Variants in FRMD3 observed in about 807,000 individuals in gnomAD.
FRMD3 encodes the protein FERM domain containing 3.
FRMD3 carries 33 observed loss-of-function variants against 70.2 expected under a neutral mutation model. That is an observed-to-expected ratio of 0.47 (90% CI 0.36 to 0.63). FRMD3 has a LOEUF of 0.63. Ranked by LOEUF, FRMD3 falls within the 20% of genes least tolerant of loss-of-function variation. The pLI is 0.00. For synonymous variants in FRMD3, 279 were observed against 255.9 expected (o/e 1.09, Z -0.86); for missense variants, 632 against 711.4 (o/e 0.89, Z 1.27).
intron 12 of FRMD3, among the ~76,000 whole-genome samples, chr9:83,297,193 G>A (rs906113380): frequency 1.3e-5 from 2 of 152,170 alleles, no homozygotes; most frequent in Non-Finnish European, 2.9e-5. Flanking sequence ...AAAGTGTCCT[G>A]CTTTGTGTTT....
At chr9:83,299,602 C>T (rs1446873146) in intron 10 of FRMD3, among the ~76,000 whole-genome samples, 1 of 152,172 alleles carries the variant, frequency 6.6e-6, no homozygotes, top group Non-Finnish European at 1.5e-5. Context: ...CTGCCTATTC[C>T]TGTATCCACA....
intron 1 of FRMD3, among the ~76,000 whole-genome samples, chr9:83,401,132 AT>A (rs1244132440): frequency 6.6e-6 from 1 of 152,178 alleles, no homozygotes; most frequent in African/African-American, 2.4e-5. Flanking sequence ...TATTCATTGG[AT>A]TTCATCCACG....
intron 6 of FRMD3, among the ~76,000 whole-genome samples, chr9:83,325,191 G>A (rs1185368814): frequency 6.6e-6 from 1 of 152,138 alleles, no homozygotes; most frequent in Non-Finnish European, 1.5e-5. Flanking sequence ...TGAGGGATGA[G>A]AAATTACTTC....
chr9:83,335,018 C>T (rs1823529526), intron 6 of FRMD3, among the ~76,000 whole-genome samples: 1 of 151,708 alleles, frequency 6.6e-6, no homozygotes, highest in Non-Finnish European at 1.5e-5. Context: ...TCTACCACTG[C>T]TACTGTGCAG....
intron 1 of FRMD3, among the ~76,000 whole-genome samples, chr9:83,484,915 T>C (rs1039413148): frequency 3.9e-5 from 6 of 152,222 alleles, no homozygotes; most frequent in Non-Finnish European, 5.9e-5. Context: ...CACAGTGTGA[T>C]AGTCAAAAAG....
chr9:83,340,174 CA>C (rs1238170326), intron 5 of FRMD3, among the ~76,000 whole-genome samples: 1 of 151,960 alleles, frequency 6.6e-6, no homozygotes, highest in East Asian at 1.9e-4. Context: ...ATCCTGCCTA[CA>C]AAAAAATACA....
At chr9:83,314,787 C>G (rs1208352728) in intron 6 of FRMD3, among the ~76,000 whole-genome samples, 1 of 131,374 alleles carries the variant, frequency 7.6e-6, no homozygotes, top group African/African-American at 2.9e-5. Flanking sequence ...CAATGCATAT[C>G]TTTCTTTGAC....
At chr9:83,464,271 A>G (rs1331634389) in intron 1 of FRMD3, among the ~76,000 whole-genome samples, 1 of 152,178 alleles carries the variant, frequency 6.6e-6, no homozygotes, top group African/African-American at 2.4e-5. Context: ...GTCCTGATCA[A>G]ACAGGACTCA....
At chr9:83,275,500 C>T (rs1024445363) in intron 13 of FRMD3, among the ~76,000 whole-genome samples, 1 of 152,150 alleles carries the variant, frequency 6.6e-6, no homozygotes, top group African/African-American at 2.4e-5. Context: ...AGACCTCCTC[C>T]CCGACCTGCA....
chr9:83,452,855 T>TG (rs1168537234), intron 1 of FRMD3, among the ~76,000 whole-genome samples: 5 of 133,852 alleles, frequency 3.7e-5, no homozygotes, highest in African/African-American at 1.1e-4. Context: ...TGCCTTTTTT[T>TG]TTTTTTTTTT....
chr9:83,359,827 C>T (rs756004424), intron 3 of FRMD3, among the ~76,000 whole-genome samples: 10 of 152,132 alleles, frequency 6.6e-5, no homozygotes, highest in South Asian at 2.1e-4. Context: ...TTCATGACTG[C>T]GTAGAGACCA....
chr9:83,289,473 T>C (rs1049853092), intron 13 of FRMD3, among the ~76,000 whole-genome samples: 2 of 152,226 alleles, frequency 1.3e-5, no homozygotes, highest in African/African-American at 4.8e-5. Context: ...CTTCTAACCA[T>C]CAAAGCTGCC....
At chr9:83,508,436 A>G (rs1374302837) in intron 1 of FRMD3, among the ~76,000 whole-genome samples, 3 of 148,098 alleles carry the variant, frequency 2.0e-5, no homozygotes, top group Non-Finnish European at 4.4e-5. Context: ...GACTGTTTAG[A>G]AAAAAAAGTA....
At chr9:83,498,469 C>A (rs6559731) in intron 1 of FRMD3, among the ~76,000 whole-genome samples, 99,140 of 152,092 alleles carry the variant, frequency 0.65, 32,639 homozygotes, top group African/African-American at 0.73. Context: ...GCCAAAGGAA[C>A]TAATGCACAG....
At chr9:83,506,089 T>C (rs549934815) in intron 1 of FRMD3, among the ~76,000 whole-genome samples, 4 of 152,348 alleles carry the variant, frequency 2.6e-5, no homozygotes, top group African/African-American at 9.6e-5. Context: ...GAAGAGTAGA[T>C]AACTTCATCC....
intron 13 of FRMD3, among the ~76,000 whole-genome samples, chr9:83,259,246 G>C (rs1832871938): frequency 6.6e-6 from 1 of 152,130 alleles, no homozygotes; most frequent in Non-Finnish European, 1.5e-5. Context: ...ATAATGATCT[G>C]TTTTACATTT....
At chr9:83,467,843 T>C in intron 1 of FRMD3, 26 of 1,362,644 alleles carry the variant, frequency 1.9e-5, no homozygotes, top group Non-Finnish European at 2.5e-5. Flanking sequence ...AGTAAATAGG[T>C]TGATGGTTTT....
rs114796609 is a variant in FRMD3 at position 83,384,668 on chromosome 9, G to T, written c.252+4936C>A. The stretch of plus-strand genomic sequence containing the variant: ...TGATTTCCAGCTCATCCTCCTATCA[G>T]AAAACCTATTAAATCCTCTAGCATC... On this transcript the variant is annotated intron_variant, in intron 2 of 13. Coordinates refer to ENST00000304195, the MANE Select transcript of FRMD3 (RefSeq NM_174938.6). Among the ~76,000 whole-genome samples, 845 of 152,206 alleles carry T rather than the reference G, an allele frequency of 5.6e-3. 9 individuals are homozygous for T. Among genetic ancestry groups the T allele is most frequent in the African/African-American group, 0.019 (798 of 41,514 alleles).
At chr9:83,431,770 G>A (rs760108052) in intron 1 of FRMD3, among the ~76,000 whole-genome samples, 6 of 152,104 alleles carry the variant, frequency 3.9e-5, no homozygotes, top group Non-Finnish European at 8.8e-5. Flanking sequence ...TTTTGTGCCT[G>A]CACTTGGTGT....
Sources: gnomAD v4.1 joint callset for allele counts (sites outside exome capture counted in the v4.1 genomes callset) on GRCh38, gnomAD v4.1.1 for gene constraint, MANE v1.5 for transcripts, NCBI Gene and HGNC (gene_info 2026-07-23, HGNC 2026-07-21) for gene names.